Variants in NR5A1 observed in about 807,000 individuals in gnomAD.
The protein encoded by NR5A1 is nuclear receptor subfamily 5 group A member 1, also known as steroidogenic factor 1.
A neutral mutation model predicts 42.7 loss-of-function variants in NR5A1; 6 were observed. The observed-to-expected ratio is 0.14, with a 90% CI of 0.08 to 0.28. The LOEUF is 0.28. Among genes scored for constraint, NR5A1 ranks in the 10% least tolerant of loss-of-function variants. The probability of loss-of-function intolerance (pLI) is 1.00; values close to 1 mark genes in which losing one functional copy is unlikely to be tolerated. For missense variants in NR5A1, 442 were observed against 626.4 expected, an observed-to-expected ratio of 0.71 and a Z score of 3.14; for synonymous variants, 274 against 277.5, an observed-to-expected ratio of 0.99 and a Z score of 0.12.
chr9:124,485,929 AC>A (rs1159802559), intron 6 of NR5A1, among the ~76,000 whole-genome samples: 1 of 151,670 alleles, frequency 6.6e-6, no homozygotes, highest in East Asian at 1.9e-4. Context: ...GGGGACAGGG[AC>A]CAGCTCAAGG....
chr9:124,492,240 TC>T (rs544008431), intron 5 of NR5A1, among the ~76,000 whole-genome samples: 1 of 122,540 alleles, frequency 8.2e-6, no homozygotes, highest in East Asian at 2.4e-4. Context: ...CTTCTCTGCC[TC>T]CCCCCCTCCC....
Position 124,504,039 on chromosome 9 carries a change from AGAGAGAGAGAGAC to A in NR5A1, c.-15-642_-15-630del, listed in dbSNP as rs1244897889. 9.6e-3 allele frequency among the ~76,000 whole-genome samples: 1,287 copies of A among 134,352 alleles called. 104 individuals carry two copies. Among genetic ancestry groups the A allele is most frequent in the African/African-American group, 0.047 (1,228 of 26,046 alleles). The allele number at this position is 134,352 out of a possible 152,430, so 88.1% of individuals were successfully genotyped here. The stretch of plus-strand genomic sequence containing the variant: ...GACAGGGAGACAGAGAGAGAGAGAG[AGAGAGAGAGAGAC>A]GAGAGAGAGAGAGAGAGAGAGAAAC... On this transcript the variant is annotated intron_variant, in intron 1 of 6. Transcript: ENST00000373588.
intron 4 of NR5A1, among the ~76,000 whole-genome samples, chr9:124,497,628 T>C (rs909940329): frequency 6.6e-6 from 1 of 152,102 alleles, no homozygotes; most frequent in African/African-American, 2.4e-5. Context: ...CCAAGCTCTG[T>C]CAGGGGAGCC....
At chr9:124,505,065 C>T (rs1457257500) in intron 1 of NR5A1, among the ~76,000 whole-genome samples, 3 of 152,080 alleles carry the variant, frequency 2.0e-5, no homozygotes, top group African/African-American at 7.2e-5. Flanking sequence ...TCGTGTCCTC[C>T]CCCCAAGCCC....
rs778017949 is a variant in NR5A1, at chr9:124,500,362, G to T, written c.598C>A (p.Pro200Thr). 18 of 1,556,234 alleles carry T rather than the reference G, an allele frequency of 1.2e-5. No homozygotes were observed. Among genetic ancestry groups the T allele is most frequent in the South Asian group, 2.4e-5 (2 of 84,818 alleles). ...GRAIKSEYPEPYASPPQPGLP... is the reference protein window; with the variant it reads ...GRAIKSEYPETYASPPQPGLP... ...CCAGGCTGTGGGGGGCTGGCATAAG[G>T]CTCCGGGTACTCAGACTTGATGGCA... The change falls in exon 4 of 7, where the codon CCT (proline) becomes ACT (threonine). Residue 200 changes from proline to threonine, a missense_variant. Around this residue, in one of 3 missense-constraint regions of NR5A1, gnomAD observed 208 missense variants for 203.8 expected, o/e 1.02. Coordinates refer to ENST00000373588, the MANE Select transcript of NR5A1 (RefSeq NM_004959.5). The surrounding 1 kb of genome is among the most constrained non-coding windows in gnomAD (Gnocchi z 6.9).
intron 4 of NR5A1, among the ~76,000 whole-genome samples, chr9:124,499,704 G>C (rs904407428): frequency 6.6e-6 from 1 of 152,182 alleles, no homozygotes; most frequent in African/African-American, 2.4e-5. Context: ...AGGGAGCCCA[G>C]GGTCTCAGAG....
intron 4 of NR5A1, among the ~76,000 whole-genome samples, chr9:124,493,908 C>T (rs931463566): frequency 1.3e-5 from 2 of 152,200 alleles, no homozygotes; most frequent in Non-Finnish European, 2.9e-5. Flanking sequence ...GCCAGGGATC[C>T]CCTGGCCCCA....
intron 4 of NR5A1, among the ~76,000 whole-genome samples, chr9:124,497,273 C>T (rs947500966): frequency 2.0e-5 from 3 of 152,192 alleles, no homozygotes; most frequent in African/African-American, 7.2e-5. Context: ...GAAACTGAGG[C>T]CCGGAGGAGT....
chr9:124,501,683 G>C lies in NR5A1; in HGVS notation c.245-968C>G, dbSNP rs1344364491. 6.6e-6 allele frequency among the ~76,000 whole-genome samples: 1 copy of C among 152,216 alleles called. No homozygotes were observed. Among genetic ancestry groups the C allele is most frequent in the Non-Finnish European group, 1.5e-5 (1 of 68,036 alleles). ...GAGTTTCTACTGCCCACAACAGCCAGCTATCTGGCCCCTTGGGACCTGGCA... is the reference window on the plus strand; with the variant it reads ...GAGTTTCTACTGCCCACAACAGCCACCTATCTGGCCCCTTGGGACCTGGCA... On this transcript the variant is annotated intron_variant, in intron 3 of 6. Transcript: ENST00000373588. This position sits in a 1 kb window ranked among gnomAD's most constrained non-coding sequence, Gnocchi z 4.1.
Position 124,500,330 on chromosome 9 carries a change from C to T in NR5A1, c.630G>A (p.Pro210=), listed in dbSNP as rs779933883. The part of the protein sequence containing the change: ...PYASPPQPGL[P]YGYPEPFSGG... ...CAGAGAAGGGCTCTGGGTAGCCGTA[C>T]GGCAGCCCAGGCTGTGGGGGGCTGG... is the stretch of plus-strand genomic sequence containing the variant. The change falls in exon 4 of 7, where the codon CCG becomes CCA. Residue 210 remains proline (P), a synonymous_variant. Coordinates refer to ENST00000373588, the MANE Select transcript of NR5A1 (RefSeq NM_004959.5). The surrounding 1 kb of genome is among the most constrained non-coding windows in gnomAD (Gnocchi z 6.9). 29 of 1,557,788 alleles carry T rather than the reference C, an allele frequency of 1.9e-5. No individual in the cohort carries two copies. Among genetic ancestry groups the T allele is most frequent in the East Asian group, 2.4e-5 (1 of 41,408 alleles).
Position 124,489,351 on chromosome 9 carries a change from G to T in NR5A1, c.1138+1730C>A, listed in dbSNP as rs1832268620. Among the ~76,000 whole-genome samples, 5 of 152,160 alleles carry T rather than the reference G, an allele frequency of 3.3e-5. No homozygotes were observed. In the South Asian group the frequency reaches 1.0e-3, roughly 31 times the overall value. ...CCCGCGGACACACACTCCAATTCTA[G>T]GTGCCTCCAAGCACCACCCTTCCCC... On this transcript the variant is annotated intron_variant, in intron 6 of 6. Coordinates refer to ENST00000373588, the MANE Select transcript of NR5A1 (RefSeq NM_004959.5).
chr9:124,495,145 C>G (rs1413155243), intron 4 of NR5A1, among the ~76,000 whole-genome samples: 1 of 152,212 alleles, frequency 6.6e-6, no homozygotes, highest in Non-Finnish European at 1.5e-5. Flanking sequence ...CTCCCTCCAG[C>G]TCCCAGCAAA....
Position 124,482,799 on chromosome 9 carries a change from T to C in NR5A1, c.1345A>G (p.Asn449Asp). Residue 449 changes from asparagine to aspartate, a missense_variant, in exon 7 of 7, where the codon AAC becomes GAC. Around this residue, in one of 3 missense-constraint regions of NR5A1, gnomAD observed 163 missense variants for 265.8 expected, o/e 0.61. Transcript: ENST00000373588. ...TGCAGCATTTCGATGAGCAGGTTGT[T>C]GCGGGGCATCTCGTTGCCCAGGTGC... ...HKHLGNEMPRNNLLIEMLQAK... is the reference protein window; with the variant it reads ...HKHLGNEMPRDNLLIEMLQAK... 2.6e-6 allele frequency: 4 copies of C among 1,560,746 alleles called. No homozygotes were observed. Among genetic ancestry groups the C allele is most frequent in the Non-Finnish European group, 3.5e-6 (4 of 1,147,904 alleles).
chr9:124,493,974 G>A (rs1043518661), intron 4 of NR5A1, among the ~76,000 whole-genome samples: 5 of 152,102 alleles, frequency 3.3e-5, no homozygotes, highest in Admixed American at 6.5e-5. Flanking sequence ...AGACTCTCCC[G>A]GGATCACACA....
At chr9:124,483,612 C>A (rs1260797576) in intron 6 of NR5A1, among the ~76,000 whole-genome samples, 1 of 152,222 alleles carries the variant, frequency 6.6e-6, no homozygotes, top group Non-Finnish European at 1.5e-5. Flanking sequence ...CTGCCATAAC[C>A]AACACCATCC....
In NR5A1 at chr9:124,500,069, C is replaced by T. The variant is rs760774826; in HGVS notation, c.870+21G>A. The stretch of plus-strand genomic sequence containing the variant: ...GGGAGGACCATGATGCAGGGCCAGC[C>T]GGGCGGGAGGAGAGACTCACCTCCA... On this transcript the variant is annotated intron_variant, in intron 4 of 6. Coordinates refer to ENST00000373588, the MANE Select transcript of NR5A1 (RefSeq NM_004959.5). The surrounding 1 kb of genome is among the most constrained non-coding windows in gnomAD (Gnocchi z 6.9). The T allele has an allele frequency of 2.5e-5, 41 of 1,612,904 alleles. No homozygotes were observed. The highest frequency in any genetic ancestry group is 2.2e-4 in the East Asian group (10 of 44,896).
intron 6 of NR5A1, among the ~76,000 whole-genome samples, chr9:124,486,627 T>A (rs954283462): frequency 5.9e-5 from 9 of 152,318 alleles, no homozygotes; most frequent in Admixed American, 2.0e-4. Context: ...CCAGAGAGGC[T>A]ACTCTGGACT....
At position 124,491,986 on chromosome 9, in the gene NR5A1, C is replaced by T. The variant is rs1042387309; in HGVS notation, c.991-758G>A. 6.6e-5 allele frequency among the ~76,000 whole-genome samples: 10 copies of T among 152,260 alleles called. No homozygotes were observed. The East Asian group carries it at 1.5e-3, about 24-fold the overall frequency. ...ACTTCATGCAGACTGCAGGCACCTG[C>T]GCTCACAGGGAGCCCCAAAGACACC... On this transcript the variant is annotated intron_variant, in intron 5 of 6. Coordinates refer to ENST00000373588, the MANE Select transcript of NR5A1 (RefSeq NM_004959.5).
At chr9:124,494,225 GTCATTCC>G (rs1361680730) in intron 4 of NR5A1, among the ~76,000 whole-genome samples, 2,239 of 152,338 alleles carry the variant, frequency 0.015, 56 homozygotes, top group African/African-American at 0.051. Context: ...ACAGCTGACA[GTCATTCC>G]ACTGCAGCCC....
Sources: gnomAD v4.1 joint callset for allele counts (sites outside exome capture counted in the v4.1 genomes callset) on GRCh38, gnomAD v4.1.1 for gene constraint, gnomAD v4.1.1 regional missense constraint, Gnocchi (gnomAD v3.1) non-coding constraint, MANE v1.5 for transcripts, NCBI Gene and HGNC (gene_info 2026-07-23, HGNC 2026-07-21) for gene names.